DRC10: variants seen among roughly 807,000 people sequenced by gnomAD.
The protein encoded by DRC10 is IQ domain-containing protein D.
At chr12:113,219,261 C>T in the DRC10 span, among the ~76,000 whole-genome samples, 1 of 152,048 alleles carries the variant, frequency 6.6e-6, no homozygotes, top group African/African-American at 2.4e-5. Context: ...GTCTCGAACT[C>T]CTGACCTCAG....
chr12:113,219,767 C>A, the DRC10 span, among the ~76,000 whole-genome samples: 3 of 151,924 alleles, frequency 2.0e-5, no homozygotes, highest in Non-Finnish European at 4.4e-5. Flanking sequence ...CCGCCTCTTG[C>A]GATCAAGCAA....
At chr12:113,205,189 G>A in the DRC10 span, among the ~76,000 whole-genome samples, 1 of 151,606 alleles carries the variant, frequency 6.6e-6, no homozygotes, top group Non-Finnish European at 1.5e-5. Context: ...CTGGCACCTA[G>A]TAAGTACTTA....
At chr12:113,207,118 C>G in the DRC10 span, 1 of 389,008 alleles carries the variant, frequency 2.6e-6, no homozygotes, top group African/African-American at 2.1e-5. Context: ...GAGGCCAAAG[C>G]AGGAGGATCA....
chr12:113,207,473 C>G, the DRC10 span: 1 of 1,613,882 alleles, frequency 6.2e-7, no homozygotes, highest in South Asian at 1.1e-5. Flanking sequence ...TCCGCCAATT[C>G]CTTTTCAAGA....
the DRC10 span, among the ~76,000 whole-genome samples, chr12:113,210,662 C>G: frequency 3.1e-4 from 46 of 150,244 alleles, no homozygotes; most frequent in Non-Finnish European, 4.9e-4. Context: ...TGCTCACCCC[C>G]CAACACCATG....
chr12:113,202,656 C>T, the DRC10 span, among the ~76,000 whole-genome samples: 4 of 152,202 alleles, frequency 2.6e-5, no homozygotes, highest in East Asian at 5.8e-4. Flanking sequence ...AAGCCCTCTC[C>T]TCCCCTTTCC....
chr12:113,198,285 G>A, the DRC10 span, among the ~76,000 whole-genome samples: 87 of 152,258 alleles, frequency 5.7e-4, no homozygotes, highest in Middle Eastern at 6.8e-3. Context: ...GAGTGGCGAG[G>A]AGGAAAGTGG....
chr12:113,220,016 C>G, the DRC10 span, among the ~76,000 whole-genome samples: 1 of 152,102 alleles, frequency 6.6e-6, no homozygotes, highest in Non-Finnish European at 1.5e-5. Context: ...CCATGTTGGC[C>G]AGGCTAGTCG....
At chr12:113,203,039 T>C in the DRC10 span, 1 of 455,588 alleles carries the variant, frequency 2.2e-6, no homozygotes, top group South Asian at 1.6e-5. Flanking sequence ...TTTCCCTTTT[T>C]TTTTTGAGAC....
At chr12:113,195,836 C>G in the DRC10 span, 1 of 1,613,626 alleles carries the variant, frequency 6.2e-7, no homozygotes, top group Non-Finnish European at 8.5e-7. Context: ...GCCTGAGCTC[C>G]TCCAGCGAGA....
At chr12:113,213,775 A>C in the DRC10 span, among the ~76,000 whole-genome samples, 666 of 152,250 alleles carry the variant, frequency 4.4e-3, 5 homozygotes, top group African/African-American at 0.015. Flanking sequence ...CCTGGCCAAC[A>C]TGGTGAAACC....
chr12:113,206,931 A>T, the DRC10 span, among the ~76,000 whole-genome samples: 1 of 152,184 alleles, frequency 6.6e-6, no homozygotes, highest in Non-Finnish European at 1.5e-5. Flanking sequence ...ATGGTGACAC[A>T]CACCTGTAGT....
the DRC10 span, chr12:113,195,743 CTCTG>C: frequency 6.2e-7 from 1 of 1,614,006 alleles, no homozygotes; most frequent in Non-Finnish European, 8.5e-7. Flanking sequence ...CCATCTCCTG[CTCTG>C]CCTCCATCCT....
chr12:113,219,570 C>T, the DRC10 span, among the ~76,000 whole-genome samples: 2 of 152,140 alleles, frequency 1.3e-5, no homozygotes, highest in Admixed American at 6.6e-5. Context: ...CTATATACAA[C>T]TCTTTTATGA....
chr12:113,208,124 G>A, the DRC10 span: 1 of 1,614,160 alleles, frequency 6.2e-7, no homozygotes, highest in East Asian at 2.2e-5. Context: ...TTGATGGCAG[G>A]GGCCTGATAC....
At chr12:113,201,023 C>T in the DRC10 span, among the ~76,000 whole-genome samples, 2 of 152,082 alleles carry the variant, frequency 1.3e-5, no homozygotes, top group African/African-American at 4.8e-5. Context: ...CCTGTAATCC[C>T]AGCTACTCGG....
the DRC10 span, among the ~76,000 whole-genome samples, chr12:113,205,232 A>T: frequency 0.11 from 16,375 of 143,234 alleles, 912 homozygotes; most frequent in Middle Eastern, 0.18. Flanking sequence ...ATTTTTTTTT[A>T]AAAAAAAAAA....
chr12:113,197,658 A>G, the DRC10 span: 7 of 1,226,116 alleles, frequency 5.7e-6, no homozygotes, highest in Admixed American at 7.9e-5. Flanking sequence ...TATATTAACA[A>G]TCAACAGCAC....
the DRC10 span, chr12:113,207,257 A>G: frequency 3.0e-6 from 2 of 676,358 alleles, no homozygotes; most frequent in Non-Finnish European, 2.7e-6. Context: ...CTGTGGTGGG[A>G]GAATCGCTTG....
Sources: allele counts gnomAD v4.1 joint callset (sites outside exome capture counted in the v4.1 genomes callset), GRCh38; gene constraint gnomAD v4.1.1; transcripts MANE v1.5; gene names NCBI Gene and HGNC (gene_info 2026-07-23, HGNC 2026-07-21).